Variants in STOX1 observed in about 807,000 individuals in gnomAD.
STOX1 encodes storkhead-box protein 1.
STOX1 carries 57 observed loss-of-function variants against 74.8 expected under a neutral mutation model. The ratio of observed to expected loss-of-function variants is 0.76; its 90% CI spans 0.62 to 0.95. STOX1 has a LOEUF of 0.95. Ranked by LOEUF, STOX1 falls within the 40% of genes least tolerant of loss-of-function variation. The pLI, the probability that STOX1 is intolerant of heterozygous loss-of-function variation, is 0.00. For missense variants in STOX1, 1,010 were observed against 1,117.0 expected (o/e 0.90, Z 1.37); for synonymous variants, 375 against 401.3 (o/e 0.93, Z 0.78).
intron 1 of STOX1, among the ~76,000 whole-genome samples, chr10:68,846,116 G>GT (rs869245499): frequency 1.1e-5 from 1 of 93,802 alleles, no homozygotes; most frequent in Admixed American, 1.3e-4. Context: ...ATGGCTTGAG[G>GT]TTTTTATTAT....
chr10:68,832,057 A>T (rs1839427433), intron 1 of STOX1, among the ~76,000 whole-genome samples: 1 of 151,438 alleles, frequency 6.6e-6, no homozygotes, highest in African/African-American at 2.4e-5. Context: ...GAGCCACCGC[A>T]CCTGGCTCAA....
At chr10:68,843,505 A>G (rs1839746713) in intron 1 of STOX1, among the ~76,000 whole-genome samples, 1 of 151,944 alleles carries the variant, frequency 6.6e-6, no homozygotes, top group Admixed American at 6.6e-5. Context: ...TTCATTTGAT[A>G]TTATCAGTAT....
chr10:68,855,277 C>T (rs1322320519), intron 1 of STOX1, among the ~76,000 whole-genome samples: 2 of 151,806 alleles, frequency 1.3e-5, no homozygotes, highest in East Asian at 1.9e-4. Flanking sequence ...TGCACCACCA[C>T]ACCCAGCTAA....
intron 2 of STOX1, 93 bp downstream of exon 2, chr10:68,882,203 C>A: frequency 8.1e-7 from 1 of 1,233,056 alleles, no homozygotes; most frequent in Non-Finnish European, 1.2e-6. Context: ...GGGTGATATC[C>A]TTTTTTCCCC....
intron 1 of STOX1, among the ~76,000 whole-genome samples, chr10:68,836,057 G>GAGAC (rs1839542999): frequency 6.6e-6 from 1 of 151,920 alleles, no homozygotes; most frequent in South Asian, 2.1e-4. Flanking sequence ...ATTTTTAGTA[G>GAGAC]AGACGGGGTT....
intron 1 of STOX1, among the ~76,000 whole-genome samples, chr10:68,881,295 G>A (rs1009717236): frequency 9.9e-5 from 15 of 152,116 alleles, no homozygotes; most frequent in African/African-American, 3.6e-4. Context: ...TTCCACTTTG[G>A]TCCTGTATTA....
At chr10:68,892,454 G>A in intron 3 of STOX1, 135 bp from the exon 4 acceptor site, 1 of 819,354 alleles carries the variant, frequency 1.2e-6, no homozygotes. Flanking sequence ...ATTTTTAAAG[G>A]TTAACTTATT....
Position 68,885,424 on chromosome 10 carries a change from T to C in STOX1, c.1628T>C (p.Phe543Ser). 1 of 1,614,132 alleles carries C rather than the reference T, an allele frequency of 6.2e-7. No individual in the cohort carries two copies. Among genetic ancestry groups the C allele is most frequent in the Non-Finnish European group, 8.5e-7 (1 of 1,180,020 alleles). The change falls in exon 3 of 4, where the codon TTT becomes TCT. Residue 543 changes from phenylalanine (F) to serine (S), a missense_variant. Phe to Ser is a radical substitution (Grantham distance 155). Coordinates refer to ENST00000298596, the MANE Select transcript of STOX1 (RefSeq NM_152709.5). ...AGGTCCTTGGATTCCTCAAGAATCT[T>C]TGATGGTAAAGCCAAAGAGCCATAT... ...KPRSLDSSRI[F>S]DGKAKEPYAE...
At chr10:68,844,279 CTA>C (rs1365565067) in intron 1 of STOX1, among the ~76,000 whole-genome samples, 2 of 143,286 alleles carry the variant, frequency 1.4e-5, no homozygotes, top group Non-Finnish European at 3.0e-5. Context: ...TGCTTGTTTG[CTA>C]TGTCTGGATC....
At chr10:68,866,945 G>GT (rs71474450) in intron 1 of STOX1, among the ~76,000 whole-genome samples, 2,775 of 124,960 alleles carry the variant, frequency 0.022, 67 homozygotes, top group Admixed American at 0.033. Flanking sequence ...TGCTTTCCTT[G>GT]TTTTTTTTTT....
At chr10:68,870,458 G>A (rs1470114132) in intron 1 of STOX1, among the ~76,000 whole-genome samples, 1 of 152,190 alleles carries the variant, frequency 6.6e-6, no homozygotes, top group East Asian at 1.9e-4. Flanking sequence ...TGTAACTGGT[G>A]TGGTAGGTAG....
At chr10:68,860,352 A>G (rs1284157530) in intron 1 of STOX1, among the ~76,000 whole-genome samples, 4 of 151,056 alleles carry the variant, frequency 2.6e-5, no homozygotes, top group African/African-American at 9.8e-5. Flanking sequence ...CAGGTGGATC[A>G]CCTGAGGTCA....
At chr10:68,888,085 G>A (rs1194233233) in intron 3 of STOX1, among the ~76,000 whole-genome samples, 6 of 150,246 alleles carry the variant, frequency 4.0e-5, no homozygotes, top group South Asian at 2.1e-4. Context: ...GCGCACACAC[G>A]CACACACACG....
At chr10:68,848,772 C>T (rs1839912325) in intron 1 of STOX1, among the ~76,000 whole-genome samples, 1 of 152,100 alleles carries the variant, frequency 6.6e-6, no homozygotes. Flanking sequence ...ACGTGTGATT[C>T]TCCTGCCTCA....
chr10:68,832,097 G>T (rs1257652405), intron 1 of STOX1, among the ~76,000 whole-genome samples: 1 of 152,054 alleles, frequency 6.6e-6, no homozygotes, highest in East Asian at 1.9e-4. Flanking sequence ...TCATTAGCCA[G>T]TGGCTTTCAC....
intron 1 of STOX1, among the ~76,000 whole-genome samples, chr10:68,854,214 C>T (rs1333717338): frequency 2.6e-5 from 4 of 151,674 alleles, no homozygotes; most frequent in South Asian, 2.1e-4. Context: ...AGGCTGATCT[C>T]GAACTCCTGA....
rs558576420 is a variant in STOX1, at chr10:68,829,546, A to T, written c.310+1613A>T. ...AGGAAAAAGAAGAAGAAAGAAAAGA[A>T]AAAAAGCACTTATTTAATTTCCAGG... On this transcript the variant is annotated intron_variant, in intron 1 of 3. Transcript: ENST00000298596. Among the ~76,000 whole-genome samples the T allele has an allele frequency of 5.9e-5, 9 of 152,284 alleles. No individual in the cohort carries two copies. The South Asian group carries it at 1.9e-3, about 32-fold the overall frequency.
chr10:68,881,430 A>C (rs1459739287), intron 1 of STOX1, among the ~76,000 whole-genome samples: 1 of 152,192 alleles, frequency 6.6e-6, no homozygotes, highest in Non-Finnish European at 1.5e-5. Context: ...CTTCCTGATC[A>C]TCCCAATCAG....
chr10:68,857,826 A>G (rs1040171760), intron 1 of STOX1, among the ~76,000 whole-genome samples: 6 of 151,842 alleles, frequency 4.0e-5, no homozygotes, highest in Non-Finnish European at 5.9e-5. Context: ...GAAAGGGAGG[A>G]GGTGGCCTGG....
Sources: allele counts gnomAD v4.1 joint callset (sites outside exome capture counted in the v4.1 genomes callset), GRCh38; gene constraint gnomAD v4.1.1; transcripts MANE v1.5; gene names NCBI Gene and HGNC (gene_info 2026-07-23, HGNC 2026-07-21).